SMURF1: variants seen among roughly 807,000 people sequenced by gnomAD.
The protein encoded by SMURF1 is E3 ubiquitin-protein ligase SMURF1.
In SMURF1, 44 loss-of-function variants were observed where a neutral mutation model predicts 98.0. The ratio of observed to expected loss-of-function variants is 0.45; its 90% CI spans 0.35 to 0.58. The LOEUF (loss-of-function observed/expected upper bound fraction) is 0.58, where lower values mean the gene tolerates loss of function less well. Among genes scored for constraint, SMURF1 ranks in the 20% least tolerant of loss-of-function variants. The pLI is 0.00. For synonymous variants in SMURF1, 396 were observed against 374.9 expected (o/e 1.06, Z -0.65); for missense variants, 687 against 938.4 (o/e 0.73, Z 3.50).
At chr7:99,086,690 A>G (rs972050807) in intron 1 of SMURF1, among the ~76,000 whole-genome samples, 2 of 152,264 alleles carry the variant, frequency 1.3e-5, no homozygotes, top group African/African-American at 4.8e-5. Context: ...GAATGGATAA[A>G]CAAACCGCAG....
At position 99,059,966 on chromosome 7, in the gene SMURF1, C is replaced by G. The variant is rs1273262946; in HGVS notation, c.203+633G>C. 6.6e-5 allele frequency among the ~76,000 whole-genome samples: 10 copies of G among 151,654 alleles called. No homozygotes were observed. The East Asian group carries it at 1.9e-3, about 29-fold the overall frequency. On this transcript the variant is annotated intron_variant, in intron 3 of 17. Coordinates refer to ENST00000361368, the MANE Select transcript of SMURF1 (RefSeq NM_181349.3). ...AACTACAACTAGGTTTAGGGTTTTG[C>G]TGAAAAACAGTAGCATGTGGAGTTC... is the stretch of plus-strand genomic sequence containing the variant.
rs747387725 is a variant in SMURF1, at chr7:99,052,303, T to C, written c.623A>G (p.Gln208Arg). 1.9e-6 allele frequency: 3 copies of C among 1,613,084 alleles called. No homozygotes were observed. The East Asian group carries it at 6.7e-5, about 36-fold the overall frequency. The change falls in exon 7 of 18, where the codon CAG becomes CGG. Residue 208 changes from glutamine (Q) to arginine (R), a missense_variant. Physicochemically the swap from Gln to Arg is conservative, Grantham distance 43 (BLOSUM62 1). This residue lies in a region of SMURF1 where 415 missense variants were observed against 508.4 expected (regional missense o/e 0.82). Transcript: ENST00000361368. ...ATCAGGGTTTCGAAGCCGCTGTGCC[T>C]GAAGTCTTTGATCTTGACTTGGGGA... ...VESPSQDQRL[Q>R]AQRLRNPDVR...
intron 6 of SMURF1, 145 bp downstream of exon 6, chr7:99,054,645 A>C: frequency 1.4e-6 from 1 of 692,000 alleles, no homozygotes; most frequent in South Asian, 1.8e-5. Flanking sequence ...TAGCCAAGTA[A>C]ACTGGTTCAC....
At chr7:99,125,637 C>T (rs1797728387) in intron 1 of SMURF1, among the ~76,000 whole-genome samples, 1 of 152,178 alleles carries the variant, frequency 6.6e-6, no homozygotes. Flanking sequence ...TACCTATACA[C>T]TTACCCGTGC....
chr7:99,121,743 A>G (rs931257382), intron 1 of SMURF1, among the ~76,000 whole-genome samples: 1 of 152,124 alleles, frequency 6.6e-6, no homozygotes, highest in African/African-American at 2.4e-5. Flanking sequence ...CGGTTTTTAA[A>G]TTTTCACTAA....
At chr7:99,085,745 T>C (rs1796665135) in intron 1 of SMURF1, among the ~76,000 whole-genome samples, 1 of 152,208 alleles carries the variant, frequency 6.6e-6, no homozygotes, top group Non-Finnish European at 1.5e-5. Context: ...AAATCCTCTG[T>C]ACTCTACCCG....
chr7:99,101,897 G>A (rs1470379233), intron 1 of SMURF1, among the ~76,000 whole-genome samples: 1 of 150,366 alleles, frequency 6.7e-6, no homozygotes, highest in Non-Finnish European at 1.5e-5. Context: ...TTGTGCCATT[G>A]CACTCCAGCC....
intron 1 of SMURF1, among the ~76,000 whole-genome samples, chr7:99,088,500 GTACT>G (rs1796732827): frequency 6.7e-6 from 1 of 149,918 alleles, no homozygotes; most frequent in Non-Finnish European, 1.5e-5. Flanking sequence ...TTTTCCATTG[GTACT>G]TACATAGCTC....
At chr7:99,044,563 A>T (rs1795511882) in intron 11 of SMURF1, among the ~76,000 whole-genome samples, 1 of 152,210 alleles carries the variant, frequency 6.6e-6, no homozygotes, top group East Asian at 1.9e-4. Flanking sequence ...AGAATTTAAG[A>T]GGCAGAAGGA....
chr7:99,046,287 C>T (rs1795571153), intron 10 of SMURF1, among the ~76,000 whole-genome samples: 1 of 152,162 alleles, frequency 6.6e-6, no homozygotes, highest in African/African-American at 2.4e-5. Flanking sequence ...CATAAGGTGG[C>T]TTAAGCACAG....
At chr7:99,139,763 A>G (rs1018258113) in intron 1 of SMURF1, among the ~76,000 whole-genome samples, 1 of 152,212 alleles carries the variant, frequency 6.6e-6, no homozygotes, top group African/African-American at 2.4e-5. Context: ...TCCTACTAAA[A>G]TACCACAAAA....
chr7:99,102,667 AAC>A (rs1797108228), intron 1 of SMURF1, among the ~76,000 whole-genome samples: 1 of 152,248 alleles, frequency 6.6e-6, no homozygotes, highest in South Asian at 2.1e-4. Context: ...ATACAAGAAT[AAC>A]ACATGCAAAA....
intron 6 of SMURF1, 76 bp from the exon 7 acceptor site, chr7:99,052,522 C>T (rs73145629): frequency 0.04 from 54,703 of 1,367,376 alleles, 1,123 homozygotes; most frequent in South Asian, 0.067. Context: ...GGCTAGTGTC[C>T]TAGGGGACAC....
chr7:99,032,752 A>T, intron 17 of SMURF1: 1 of 424,786 alleles, frequency 2.4e-6, no homozygotes, highest in Non-Finnish European at 4.2e-6. Context: ...TAAGTTTAGC[A>T]ATAATGTTGG....
intron 11 of SMURF1, among the ~76,000 whole-genome samples, chr7:99,043,792 G>A (rs1026718935): frequency 6.6e-6 from 1 of 152,188 alleles, no homozygotes; most frequent in Non-Finnish European, 1.5e-5. Flanking sequence ...ATGCAGATGA[G>A]AAAGAGAAAC....
chr7:99,123,436 C>T (rs1252853912), intron 1 of SMURF1, among the ~76,000 whole-genome samples: 2 of 151,862 alleles, frequency 1.3e-5, no homozygotes, highest in Non-Finnish European at 1.5e-5. Context: ...AGGAGGCCAA[C>T]GTGGGAGGAT....
At chr7:99,127,126 G>A (rs1273833571) in intron 1 of SMURF1, among the ~76,000 whole-genome samples, 3 of 152,168 alleles carry the variant, frequency 2.0e-5, no homozygotes, top group Non-Finnish European at 4.4e-5. Flanking sequence ...CAGTTTGCTA[G>A]CCAGAAGTAG....
chr7:99,040,242 G>A, intron 13 of SMURF1, 136 bp downstream of exon 13: 1 of 992,212 alleles, frequency 1.0e-6, no homozygotes, highest in Non-Finnish European at 1.4e-6. Flanking sequence ...CCCTTTTTTT[G>A]TTTCAGGTTA....
At chr7:99,142,264 G>A (rs552609626) in intron 1 of SMURF1, among the ~76,000 whole-genome samples, 2 of 152,340 alleles carry the variant, frequency 1.3e-5, no homozygotes, top group East Asian at 3.9e-4. Context: ...CGTGTGGGCA[G>A]CTTCCAAAGC....
Sources: allele counts gnomAD v4.1 joint callset (sites outside exome capture counted in the v4.1 genomes callset), GRCh38; gene constraint gnomAD v4.1.1; regional missense constraint gnomAD v4.1.1; transcripts MANE v1.5; gene names NCBI Gene and HGNC (gene_info 2026-07-23, HGNC 2026-07-21).